The following ACCS variants were observed in gnomAD, a reference collection of about 807,000 sequenced individuals.
ACCS encodes 1-aminocyclopropane-1-carboxylate synthase-like protein 1.
ACCS carries 42 observed loss-of-function variants against 59.8 expected under a neutral mutation model. The ratio of observed to expected loss-of-function variants is 0.70; its 90% CI spans 0.55 to 0.91. The LOEUF (loss-of-function observed/expected upper bound fraction) is 0.91. ACCS is among the 40% of genes least tolerant of loss of function. The pLI, the probability that ACCS is intolerant of heterozygous loss-of-function variation, is 0.00. For missense variants in ACCS, 602 were observed against 630.4 expected (o/e 0.95, Z 0.48); for synonymous variants, 230 against 240.3 (o/e 0.96, Z 0.40).
intron 6 of ACCS, among the ~76,000 whole-genome samples, chr11:44,076,294 T>C (rs1953357403): frequency 6.6e-6 from 1 of 152,224 alleles, no homozygotes; most frequent in African/African-American, 2.4e-5. Context: ...ATAATGAGAA[T>C]ATTAGTAACA....
chr11:44,075,293 C>T (rs1013440967), intron 5 of ACCS, among the ~76,000 whole-genome samples: 1 of 152,206 alleles, frequency 6.6e-6, no homozygotes, highest in Non-Finnish European at 1.5e-5. Flanking sequence ...TCTGCCTCCA[C>T]ACCTTCAGGC....
chr11:44,075,052 G>T (rs1028660740), intron 5 of ACCS, among the ~76,000 whole-genome samples: 1 of 151,788 alleles, frequency 6.6e-6, no homozygotes, highest in East Asian at 1.9e-4. Context: ...TCGAACTACC[G>T]ACCTCAGGTG....
chr11:44,067,823 A>G lies in ACCS; in HGVS notation c.196A>G (p.Arg66Gly). 6.2e-7 allele frequency: 1 copy of G among 1,614,084 alleles called. No individual in the cohort carries two copies. The highest frequency in any genetic ancestry group is 8.5e-7 in the Non-Finnish European group (1 of 1,179,988). ...ISSDTSYLSS[R>G]GRMIKWFWDS... ...CTCTGATACCTCCTACCTGTCCTCT[A>G]GAGGAAGAATGATTAAATGGTTCTG... Residue 66 changes from arginine to glycine, a missense_variant, in exon 2 of 15, where the codon AGA becomes GGA. By Grantham distance (125) the Arg-to-Gly change is moderately radical (BLOSUM62 -2). Coordinates refer to ENST00000263776, the MANE Select transcript of ACCS (RefSeq NM_032592.4).
At chr11:44,078,522 T>C in intron 8 of ACCS, 162 bp from the exon 9 acceptor site, 1 of 577,622 alleles carries the variant, frequency 1.7e-6, no homozygotes, top group Non-Finnish European at 3.1e-6. Flanking sequence ...TATCTGATGC[T>C]GCAGATGTAA....
intron 8 of ACCS, 191 bp from the exon 9 acceptor site, chr11:44,078,493 G>A: frequency 3.9e-6 from 2 of 507,810 alleles, no homozygotes; most frequent in Non-Finnish European, 7.0e-6. Flanking sequence ...TTTTTTCTCT[G>A]GGCCTTGTCC....
At position 44,079,250 on chromosome 11, in the gene ACCS, C is replaced by G. The variant is rs538982741; in HGVS notation, c.834-281C>G. ...ATCCAGACTTGAACCTGGGTCTCTC[C>G]GACTCGAGCCCTTGTGCATGACCTT... On this transcript the variant is annotated intron_variant, in intron 9 of 14. Coordinates refer to ENST00000263776, the MANE Select transcript of ACCS (RefSeq NM_032592.4). The G allele has an allele frequency of 2.3e-4, 102 of 434,344 alleles. 1 individual carries two copies. The East Asian group carries it at 4.3e-3, about 18-fold the overall frequency. The allele number at this position is 434,344 out of a possible 1,614,324, so 26.9% of individuals were successfully genotyped here. A position where few individuals can be genotyped will look rare whatever the true frequency, so the allele number is the denominator to read the frequency against.
intron 2 of ACCS, among the ~76,000 whole-genome samples, chr11:44,068,751 C>T (rs555819578): frequency 1.3e-5 from 2 of 152,288 alleles, no homozygotes; most frequent in East Asian, 1.9e-4. Flanking sequence ...TATTTTCTGT[C>T]CCAAATATAA....
chr11:44,075,480 C>T, intron 5 of ACCS, 46 bp from the exon 6 acceptor site: 1 of 1,602,118 alleles, frequency 6.2e-7, no homozygotes. Flanking sequence ...TCCGTGCACA[C>T]TCCTGGAACT....
At chr11:44,081,631 C>G (rs1425420391) in intron 12 of ACCS, among the ~76,000 whole-genome samples, 2 of 152,162 alleles carry the variant, frequency 1.3e-5, no homozygotes, top group African/African-American at 4.8e-5. Flanking sequence ...ATAATAGGCA[C>G]TTGATTAATG....
chr11:44,078,271 C>A, intron 8 of ACCS: 1 of 331,334 alleles, frequency 3.0e-6, no homozygotes, highest in South Asian at 6.5e-5. Context: ...GAGGGGGCAA[C>A]CTTGCTCACT....
intron 12 of ACCS, among the ~76,000 whole-genome samples, chr11:44,082,954 G>A: frequency 6.6e-6 from 1 of 152,146 alleles, no homozygotes; most frequent in Admixed American, 6.5e-5. Flanking sequence ...TGTCAGGGCT[G>A]AGTGTCTGGG....
intron 5 of ACCS, 22 bp from the exon 6 acceptor site, chr11:44,075,504 C>T (rs764329676): frequency 6.2e-7 from 1 of 1,613,112 alleles, no homozygotes; most frequent in Non-Finnish European, 8.5e-7. Context: ...TCATCTTCAT[C>T]CCTTGGATAT....
chr11:44,071,364 T>C, intron 3 of ACCS, 49 bp downstream of exon 3: 1 of 1,592,252 alleles, frequency 6.3e-7, no homozygotes, highest in Admixed American at 1.7e-5. Flanking sequence ...CGAGGAGCTG[T>C]CTTCCCTGGA....
chr11:44,083,895 G>T lies in ACCS; in HGVS notation c.*103G>T, dbSNP rs561193638. ...TGTGGATGTGCCATTTGCCAGGAAGGTATCTAACTTGGCTTTGTGCCTGAA... is the reference window on the plus strand; with the variant it reads ...TGTGGATGTGCCATTTGCCAGGAAGTTATCTAACTTGGCTTTGTGCCTGAA... On this transcript the variant is annotated 3_prime_UTR_variant, in exon 15 of 15. Coordinates refer to ENST00000263776, the MANE Select transcript of ACCS (RefSeq NM_032592.4). 4.1e-5 allele frequency: 62 copies of T among 1,518,440 alleles called. 1 individual carries two copies. In the African/African-American group the frequency reaches 6.1e-4, roughly 15 times the overall value. 94.1% of individuals were successfully genotyped at this position (1,518,440 alleles called of 1,614,324 possible).
At chr11:44,068,219 G>C (rs1287577933) in intron 2 of ACCS, among the ~76,000 whole-genome samples, 3 of 152,206 alleles carry the variant, frequency 2.0e-5, no homozygotes, top group African/African-American at 7.2e-5. Flanking sequence ...GCAGAACTAA[G>C]GTTCAGGTTG....
intron 12 of ACCS, 95 bp from the exon 13 acceptor site, chr11:44,083,074 C>T (rs1177891298): frequency 1.3e-6 from 2 of 1,513,062 alleles, no homozygotes; most frequent in African/African-American, 1.4e-5. Context: ...AGCATCCTGG[C>T]AGCTTGTGGC....
At chr11:44,067,442 A>G (rs1952841333) in intron 1 of ACCS, 186 bp from the exon 2 acceptor site, 1 of 624,302 alleles carries the variant, frequency 1.6e-6, no homozygotes. Flanking sequence ...TAGGTCCTTA[A>G]CAGATTTTTC....
chr11:44,066,498 G>A lies in ACCS; in HGVS notation c.-204G>A, dbSNP rs1952801691. On this transcript the variant is annotated 5_prime_UTR_variant, in exon 1 of 15. Coordinates refer to ENST00000263776, the MANE Select transcript of ACCS (RefSeq NM_032592.4). ...CCTCCGCCCTGTAGAAGGCCGTTTC[G>A]GTTCTTCGTGCGCGGTAGCCGCCCC... 6.6e-6 allele frequency: 1 copy of A among 152,266 alleles called. No individual in the cohort carries two copies. The highest frequency in any genetic ancestry group is 2.1e-4 in the South Asian group (1 of 4,832). The allele number at this position is 152,266 out of a possible 1,614,324, so 9.4% of individuals were successfully genotyped here. A position where few individuals can be genotyped will look rare whatever the true frequency, so the allele number is the denominator to read the frequency against.
intron 2 of ACCS, among the ~76,000 whole-genome samples, chr11:44,070,596 G>A (rs1461238427): frequency 6.6e-6 from 1 of 152,136 alleles, no homozygotes; most frequent in Non-Finnish European, 1.5e-5. Flanking sequence ...GGCCTGCACC[G>A]AGTCTCCCTG....
Sources: allele counts gnomAD v4.1 joint callset (sites outside exome capture counted in the v4.1 genomes callset), GRCh38; gene constraint gnomAD v4.1.1; transcripts MANE v1.5; gene names NCBI Gene and HGNC (gene_info 2026-07-23, HGNC 2026-07-21).